Variants in MGAT5B observed in about 807,000 individuals in gnomAD.
MGAT5B encodes alpha-1,6-mannosylglycoprotein 6-beta-N-acetylglucosaminyltransferase B.
MGAT5B carries 54 observed loss-of-function variants against 95.1 expected under a neutral mutation model. That is an observed-to-expected ratio of 0.57 (90% CI 0.46 to 0.71). The LOEUF (loss-of-function observed/expected upper bound fraction) is 0.71. MGAT5B is among the 30% of genes least tolerant of loss of function. The pLI is 0.00. For missense variants in MGAT5B, 935 were observed against 1,088.6 expected, an observed-to-expected ratio of 0.86 and a Z score of 1.99; for synonymous variants, 464 against 451.0, an observed-to-expected ratio of 1.03 and a Z score of -0.36.
intron 8 of MGAT5B, among the ~76,000 whole-genome samples, chr17:76,908,897 C>T (rs765843619): frequency 7.9e-5 from 12 of 151,626 alleles, no homozygotes; most frequent in Non-Finnish European, 1.6e-4. Context: ...ACCTCTGCCT[C>T]CCGGGTTCAA....
At chr17:76,884,399 G>GT (rs1329690441) in intron 3 of MGAT5B, among the ~76,000 whole-genome samples, 1 of 152,054 alleles carries the variant, frequency 6.6e-6, no homozygotes, top group African/African-American at 2.4e-5. Context: ...ATGTGGTTTG[G>GT]TTTTTGTCCC....
At chr17:76,879,875 A>G (rs1967342017) in intron 2 of MGAT5B, among the ~76,000 whole-genome samples, 2 of 151,912 alleles carry the variant, frequency 1.3e-5, no homozygotes, top group African/African-American at 4.8e-5. Context: ...GAGAAGGACT[A>G]CTCCAGCCCA....
At chr17:76,875,066 C>A (rs543682071) in intron 2 of MGAT5B, among the ~76,000 whole-genome samples, 1 of 152,312 alleles carries the variant, frequency 6.6e-6, no homozygotes, top group East Asian at 1.9e-4. Context: ...CGTGATCAGT[C>A]CCCAAGTGTC....
At position 76,868,997 on chromosome 17, in the gene MGAT5B, G is replaced by A. The variant is rs1966893947; in HGVS notation, c.-33G>A. On this transcript the variant is annotated 5_prime_UTR_variant, in exon 1 of 18. Coordinates refer to ENST00000569840, the MANE Select transcript of MGAT5B (RefSeq NM_001199172.2). The surrounding 1 kb of genome is among the most constrained non-coding windows in gnomAD (Gnocchi z 6.3). ...GGCCCAGGACGGTGCGTCCGGCCTCGCCCGCGGCTGCTCGCACCAACAAGT... is the reference window on the plus strand; with the variant it reads ...GGCCCAGGACGGTGCGTCCGGCCTCACCCGCGGCTGCTCGCACCAACAAGT... 2 of 1,610,192 alleles carry A rather than the reference G, an allele frequency of 1.2e-6. No homozygotes were observed. The highest frequency in any genetic ancestry group is 1.3e-5 in the African/African-American group (1 of 74,838).
At chr17:76,928,267 G>C (rs1567818626) in intron 10 of MGAT5B, among the ~76,000 whole-genome samples, 1 of 152,100 alleles carries the variant, frequency 6.6e-6, no homozygotes, top group Non-Finnish European at 1.5e-5. Flanking sequence ...AGAGTGCTTG[G>C]GGTAGAGCAA....
intron 3 of MGAT5B, among the ~76,000 whole-genome samples, chr17:76,900,381 C>A (rs1368365403): frequency 2.0e-5 from 3 of 152,194 alleles, no homozygotes; most frequent in Admixed American, 2.0e-4. Context: ...GTGACTATGA[C>A]CTCATTTGGA....
intron 2 of MGAT5B, among the ~76,000 whole-genome samples, chr17:76,881,351 T>G (rs866476128): frequency 1.3e-5 from 2 of 152,350 alleles, no homozygotes; most frequent in African/African-American, 4.8e-5. Context: ...CCAGGGAACC[T>G]GCCCTTGTCA....
chr17:76,933,990 C>T (rs1182294243), intron 12 of MGAT5B, among the ~76,000 whole-genome samples: 1 of 152,056 alleles, frequency 6.6e-6, no homozygotes, highest in African/African-American at 2.4e-5. Context: ...TCCCACACTG[C>T]TCATCAGCTC....
rs553124469 is a variant in MGAT5B at position 76,893,362 on chromosome 17, C to T, written c.330-9193C>T. Reference sequence around the variant, plus strand: ...TGGGGCCTCCTCTGGGGACAACCCTCCTGAGCCCTCCAGCCTCCCCTCTCC... The same window carrying T: ...TGGGGCCTCCTCTGGGGACAACCCTTCTGAGCCCTCCAGCCTCCCCTCTCC... On this transcript the variant is annotated intron_variant, in intron 3 of 17. Transcript: ENST00000569840. 9.0e-4 allele frequency among the ~76,000 whole-genome samples: 137 copies of T among 152,314 alleles called. 1 individual carries two copies. Among genetic ancestry groups the T allele is most frequent in the Non-Finnish European group, 1.5e-3 (101 of 68,026 alleles).
At chr17:76,886,430 C>T (rs1041962788) in intron 3 of MGAT5B, among the ~76,000 whole-genome samples, 1 of 152,220 alleles carries the variant, frequency 6.6e-6, no homozygotes, top group East Asian at 1.9e-4. Context: ...CTGTGCTTGG[C>T]GCTCAGAAGA....
At chr17:76,875,653 CTTTTTTTT>C (rs547158669) in intron 2 of MGAT5B, among the ~76,000 whole-genome samples, 16 of 67,092 alleles carry the variant, frequency 2.4e-4, no homozygotes, top group Admixed American at 4.5e-4. Flanking sequence ...GTCACTTGCA[CTTTTTTTT>C]TTTTTTTTTT....
At chr17:76,946,346 G>A (rs184456223) in intron 15 of MGAT5B, 30 bp from the exon 16 acceptor site, 21 of 1,583,078 alleles carry the variant, frequency 1.3e-5, no homozygotes, top group Admixed American at 1.0e-4. Context: ...GCCTTCTCCC[G>A]CCCCATGTGT....
chr17:76,878,335 C>T (rs1326679187), intron 2 of MGAT5B, among the ~76,000 whole-genome samples: 1 of 152,100 alleles, frequency 6.6e-6, no homozygotes. Flanking sequence ...GGGAGCAGCT[C>T]CTGAGCCCCT....
At chr17:76,894,371 G>T (rs950322984) in intron 3 of MGAT5B, among the ~76,000 whole-genome samples, 4 of 152,178 alleles carry the variant, frequency 2.6e-5, no homozygotes, top group Non-Finnish European at 5.9e-5. Flanking sequence ...CATTAAGAGG[G>T]ACCAGGATGT....
Position 76,949,096 on chromosome 17 carries a change from G to A in MGAT5B, c.*258G>A. ...ACAGAAGCATCGTGGCCAAGCAGGT[G>A]TCGGACTGCTCAGAGTCCGCATGGC... On this transcript the variant is annotated 3_prime_UTR_variant, in exon 18 of 18. Transcript: ENST00000569840. The A allele has an allele frequency of 5.4e-6, 3 of 553,570 alleles. No individual in the cohort carries two copies. Among genetic ancestry groups the A allele is most frequent in the Non-Finnish European group, 9.7e-6 (3 of 309,504 alleles). 34.3% of individuals were successfully genotyped at this position (553,570 alleles called of 1,614,324 possible).
At position 76,905,258 on chromosome 17, in the gene MGAT5B, G is replaced by A. The variant is rs1325985909; in HGVS notation, c.780G>A (p.Arg260=). Residue 260 remains arginine (R), a synonymous_variant, in exon 7 of 18, where the codon AGG becomes AGA. Transcript: ENST00000569840. The surrounding 1 kb of genome is among the most constrained non-coding windows in gnomAD (Gnocchi z 4.2). ...TCTTCATGAAGAAGCGGACCAAGAGGCTCACAGCCCAGTGGGCGCTGGCTG... is the reference window on the plus strand; with the variant it reads ...TCTTCATGAAGAAGCGGACCAAGAGACTCACAGCCCAGTGGGCGCTGGCTG... ...SLIFMKKRTK[R]LTAQWALAAQ... The A allele has an allele frequency of 6.2e-7, 1 of 1,612,794 alleles. No individual in the cohort carries two copies. Among genetic ancestry groups the A allele is most frequent in the Admixed American group, 1.7e-5 (1 of 59,982 alleles).
At chr17:76,944,784 A>G (rs1969983580) in intron 15 of MGAT5B, among the ~76,000 whole-genome samples, 1 of 152,244 alleles carries the variant, frequency 6.6e-6, no homozygotes, top group African/African-American at 2.4e-5. Context: ...CAGAGGCCCC[A>G]GGACGAGTCT....
intron 16 of MGAT5B, among the ~76,000 whole-genome samples, 167 bp from the exon 17 acceptor site, chr17:76,947,663 G>A (rs970890529): frequency 6.6e-6 from 1 of 152,214 alleles, no homozygotes; most frequent in Non-Finnish European, 1.5e-5. Flanking sequence ...CTGGAGACAC[G>A]AGTGTCCATG....
intron 10 of MGAT5B, 57 bp from the exon 11 acceptor site, chr17:76,932,588 C>T (rs1969526792): frequency 1.2e-6 from 2 of 1,607,318 alleles, no homozygotes; most frequent in Non-Finnish European, 1.7e-6. Flanking sequence ...CCAGGGAGGC[C>T]TGGGGCTGCC....
Sources: gnomAD v4.1 joint callset for allele counts (sites outside exome capture counted in the v4.1 genomes callset) on GRCh38, gnomAD v4.1.1 for gene constraint, Gnocchi (gnomAD v3.1) non-coding constraint, MANE v1.5 for transcripts, NCBI Gene and HGNC (gene_info 2026-07-23, HGNC 2026-07-21) for gene names.